ASPSCR1: variants seen among roughly 807,000 people sequenced by gnomAD.
The protein encoded by ASPSCR1 is tether containing UBX domain for GLUT4.
ASPSCR1 carries 55 observed loss-of-function variants against 68.9 expected under a neutral mutation model. The ratio of observed to expected loss-of-function variants is 0.80; its 90% CI spans 0.64 to 1.00. ASPSCR1 has a LOEUF of 1.00. ASPSCR1 is among the 50% of genes least tolerant of loss of function. The pLI, the probability that ASPSCR1 is intolerant of heterozygous loss-of-function variation, is 0.00. For synonymous variants in ASPSCR1, 352 were observed against 332.6 expected (o/e 1.06, Z -0.63); for missense variants, 765 against 762.2 (o/e 1.00, Z -0.04).
chr17:81,996,193 C>A (rs993894044), intron 6 of ASPSCR1, 128 bp downstream of exon 6: 3 of 1,317,444 alleles, frequency 2.3e-6, no homozygotes, highest in Non-Finnish European at 3.0e-6. Flanking sequence ...TGGAGAGCGC[C>A]TGGTGGCCTC....
At chr17:81,998,791 G>C (rs2042437092) in intron 7 of ASPSCR1, among the ~76,000 whole-genome samples, 2 of 152,226 alleles carry the variant, frequency 1.3e-5, no homozygotes, top group African/African-American at 4.8e-5. Context: ...CTCTTTTCTG[G>C]GTTCTGGAAG....
At chr17:81,980,083 A>G (rs752825619) in intron 2 of ASPSCR1, among the ~76,000 whole-genome samples, 1 of 152,104 alleles carries the variant, frequency 6.6e-6, no homozygotes, top group Non-Finnish European at 1.5e-5. Flanking sequence ...CCTAGGTTCA[A>G]GTGATTCTCC....
chr17:81,997,281 C>T (rs1006255814), intron 7 of ASPSCR1, among the ~76,000 whole-genome samples: 3 of 152,096 alleles, frequency 2.0e-5, no homozygotes, highest in African/African-American at 7.2e-5. Context: ...TTTACATCCA[C>T]TCAACTACAT....
rs2042947193 is a variant in ASPSCR1, at chr17:82,011,593, T to C, written c.1288T>C (p.Ser430Pro). 1 of 1,594,814 alleles carries C rather than the reference T, an allele frequency of 6.3e-7. No individual in the cohort carries two copies. The highest frequency in any genetic ancestry group is 8.5e-7 in the Non-Finnish European group (1 of 1,173,548). The change falls in exon 11 of 16, where the codon TCA (serine) becomes CCA (proline). Residue 430 changes from serine (S) to proline (P), a missense_variant. By Grantham distance (74) the Ser-to-Pro change is moderately conservative (BLOSUM62 -1). Transcript: ENST00000306739. ...VRSHLGNPEL[S>P]FYLFITPPKT... Reference sequence around the variant, plus strand: ...GAGCCACCTGGGGAACCCCGAGCTGTCATTTTACCTGTGTACGTTTTTTCT... The same window carrying C: ...GAGCCACCTGGGGAACCCCGAGCTGCCATTTTACCTGTGTACGTTTTTTCT...
At chr17:82,015,354 C>G (rs554183485) in intron 12 of ASPSCR1, 2 of 1,596,550 alleles carry the variant, frequency 1.3e-6, no homozygotes, top group Non-Finnish European at 1.7e-6. Context: ...GGGGACAGGC[C>G]GGGTAGGCTG....
chr17:82,012,136 G>T (rs567922100), intron 11 of ASPSCR1, 95 bp from the exon 12 acceptor site: 23 of 1,404,748 alleles, frequency 1.6e-5, no homozygotes, highest in Admixed American at 3.4e-5. Context: ...CCCCACTTGA[G>T]GCGTCACCCC....
At chr17:81,992,753 C>T (rs975042522) in intron 4 of ASPSCR1, among the ~76,000 whole-genome samples, 7 of 152,234 alleles carry the variant, frequency 4.6e-5, no homozygotes, top group African/African-American at 9.6e-5. Context: ...GCCTCTGGGC[C>T]GAGTCTCCAG....
rs546329713 is a variant in ASPSCR1 at position 82,014,619 on chromosome 17, C to T, written c.1354-1857C>T. 39 of 174,732 alleles carry T rather than the reference C, an allele frequency of 2.2e-4. No homozygotes were observed. The East Asian group carries it at 3.2e-3, about 14-fold the overall frequency. The allele number at this position is 174,732 out of a possible 1,614,324, so 10.8% of individuals were successfully genotyped here. On this transcript the variant is annotated intron_variant, in intron 12 of 15. Coordinates refer to ENST00000306739, the MANE Select transcript of ASPSCR1 (RefSeq NM_024083.4). ...AGGCGCTGTGGTGCCGCCTCCCTCCCGGGCGTCTTGAGCTGCAAGGGCTCC... is the reference window on the plus strand; with the variant it reads ...AGGCGCTGTGGTGCCGCCTCCCTCCTGGGCGTCTTGAGCTGCAAGGGCTCC...
intron 12 of ASPSCR1, chr17:82,013,434 C>G (rs2043017741): frequency 1.3e-5 from 2 of 152,318 alleles, no homozygotes; most frequent in Non-Finnish European, 1.5e-5. Context: ...CCTCCATCAG[C>G]TCGGCTCTAG....
At chr17:81,991,827 C>G (rs559270529) in intron 4 of ASPSCR1, among the ~76,000 whole-genome samples, 1 of 152,376 alleles carries the variant, frequency 6.6e-6, no homozygotes, top group East Asian at 1.9e-4. Flanking sequence ...CTCGTCAGCA[C>G]CTGTGTTTGC....
chr17:82,004,928 C>A (rs1266393446), intron 7 of ASPSCR1: 2 of 152,326 alleles, frequency 1.3e-5, no homozygotes, highest in African/African-American at 4.8e-5. Context: ...GCTCCATCTC[C>A]TGAACCTGTC....
At chr17:81,991,908 C>T (rs1436343243) in intron 4 of ASPSCR1, among the ~76,000 whole-genome samples, 2 of 152,280 alleles carry the variant, frequency 1.3e-5, no homozygotes, top group Non-Finnish European at 2.9e-5. Flanking sequence ...GTCCCCAGCA[C>T]ACAGCCGCGC....
At chr17:81,994,329 G>A (rs2042266351) in intron 4 of ASPSCR1, among the ~76,000 whole-genome samples, 1 of 152,230 alleles carries the variant, frequency 6.6e-6, no homozygotes, top group Admixed American at 6.5e-5. Flanking sequence ...TCCATGCTTC[G>A]GTGACATCAG....
chr17:82,010,450 A>G (rs2042892770), intron 9 of ASPSCR1, among the ~76,000 whole-genome samples: 1 of 147,694 alleles, frequency 6.8e-6, no homozygotes, highest in African/African-American at 2.5e-5. Flanking sequence ...AAAGGCGTGA[A>G]CCCGGGAGGT....
intron 7 of ASPSCR1, 150 bp from the exon 8 acceptor site, chr17:82,008,887 C>T: frequency 8.8e-7 from 1 of 1,136,938 alleles, no homozygotes; most frequent in South Asian, 1.8e-5. Flanking sequence ...GCCCCCAGGA[C>T]CTGGCCTTGG....
Position 82,011,476 on chromosome 17 carries a change from G to A in ASPSCR1, c.1238-67G>A, listed in dbSNP as rs887443330. On this transcript the variant is annotated intron_variant, in intron 10 of 15. Coordinates refer to ENST00000306739, the MANE Select transcript of ASPSCR1 (RefSeq NM_024083.4). The stretch of plus-strand genomic sequence containing the variant: ...CCAGGAGGGTGGGAGCAGTGGCCCA[G>A]GTGCTGGGGCAGCCCGGGGCTGGCG... 7.5e-6 allele frequency: 11 copies of A among 1,472,690 alleles called. No homozygotes were observed. The African/African-American group carries it at 1.6e-4, about 21-fold the overall frequency. 91.2% of individuals were successfully genotyped at this position (1,472,690 alleles called of 1,614,324 possible).
chr17:81,982,031 C>A (rs546166014), intron 2 of ASPSCR1, among the ~76,000 whole-genome samples: 1 of 150,716 alleles, frequency 6.6e-6, no homozygotes. Flanking sequence ...TGCAATGGCG[C>A]GATCTTGGCA....
Position 81,983,195 on chromosome 17 carries a change from C to A in ASPSCR1, c.159-359C>A, listed in dbSNP as rs945588272. On this transcript the variant is annotated intron_variant, in intron 2 of 15. Coordinates refer to ENST00000306739, the MANE Select transcript of ASPSCR1 (RefSeq NM_024083.4). The surrounding 1 kb of genome is among the most constrained non-coding windows in gnomAD (Gnocchi z 4.4). ...GCCGTGACGGCCGGGGTCTGTGACA[C>A]TCCAGCTTCCGCGAGTGCAGCAGTG... Among the ~76,000 whole-genome samples, 2 of 152,234 alleles carry A rather than the reference C, an allele frequency of 1.3e-5. No homozygotes were observed. Among genetic ancestry groups the A allele is most frequent in the Non-Finnish European group, 2.9e-5 (2 of 68,044 alleles).
At chr17:81,985,483 T>G in intron 3 of ASPSCR1, 24 bp from the exon 4 acceptor site, 2 of 1,609,360 alleles carry the variant, frequency 1.2e-6, no homozygotes, top group Non-Finnish European at 1.7e-6. Context: ...CCTAAGGAAG[T>G]TTCTCATGTC....
Sources: allele counts gnomAD v4.1 joint callset (sites outside exome capture counted in the v4.1 genomes callset), GRCh38; gene constraint gnomAD v4.1.1; non-coding constraint Gnocchi (gnomAD v3.1); transcripts MANE v1.5; gene names NCBI Gene and HGNC (gene_info 2026-07-23, HGNC 2026-07-21).